Variants in KCNH7 observed in about 807,000 individuals in gnomAD.
KCNH7 encodes potassium voltage-gated channel subfamily H member 7, also known as voltage-gated inwardly rectifying potassium channel KCNH7.
KCNH7 carries 49 observed loss-of-function variants against 120.8 expected under a neutral mutation model. The observed-to-expected ratio is 0.41, with a 90% CI of 0.32 to 0.51. The LOEUF is 0.51. KCNH7 is among the 20% of genes least tolerant of loss of function. The pLI, the probability that KCNH7 is intolerant of heterozygous loss-of-function variation, is 0.38. For synonymous variants in KCNH7, 547 were observed against 516.1 expected, an observed-to-expected ratio of 1.06 and a Z score of -0.81; for missense variants, 1,097 against 1,446.6, an observed-to-expected ratio of 0.76 and a Z score of 3.92.
chr2:162,594,990 T>C (rs1291555933), intron 2 of KCNH7, among the ~76,000 whole-genome samples: 4 of 152,066 alleles, frequency 2.6e-5, no homozygotes, highest in Non-Finnish European at 5.9e-5. Context: ...TGGTTGAACA[T>C]ATGTAAATCA....
chr2:162,425,348 CAGG>C (rs1453998812), intron 8 of KCNH7, among the ~76,000 whole-genome samples: 2 of 152,052 alleles, frequency 1.3e-5, no homozygotes, highest in African/African-American at 4.8e-5. Flanking sequence ...CAGACTAATA[CAGG>C]AGATCTCTAG....
intron 6 of KCNH7, among the ~76,000 whole-genome samples, chr2:162,464,547 C>T (rs983101901): frequency 4.6e-5 from 7 of 151,984 alleles, no homozygotes; most frequent in Non-Finnish European, 7.4e-5. Flanking sequence ...AATAATATAA[C>T]TATATCCATG....
At chr2:162,836,071 C>T (rs1685653853) in intron 2 of KCNH7, among the ~76,000 whole-genome samples, 1 of 152,106 alleles carries the variant, frequency 6.6e-6, no homozygotes, top group African/African-American at 2.4e-5. Context: ...AGAGGTGTTG[C>T]CTATCAACTA....
rs80325812 is a variant in KCNH7, at chr2:162,693,761, G to A, written c.307+142776C>T. 4.7e-3 allele frequency among the ~76,000 whole-genome samples: 719 copies of A among 152,216 alleles called. 4 individuals are homozygous for A. The highest frequency in any genetic ancestry group is 8.6e-3 in the Non-Finnish European group (586 of 68,000). ...GTATGTATTTCTTAATGACTGAAAA[G>A]AATGAGGATAATTTCCAAATCTCTG... On this transcript the variant is annotated intron_variant, in intron 2 of 15. Transcript: ENST00000332142.
At chr2:162,506,031 A>C (rs2105757552) in intron 5 of KCNH7, among the ~76,000 whole-genome samples, 1 of 152,050 alleles carries the variant, frequency 6.6e-6, no homozygotes, top group South Asian at 2.1e-4. Flanking sequence ...TTATTATAAA[A>C]GTTTGAAGTA....
At chr2:162,618,867 C>T in intron 2 of KCNH7, among the ~76,000 whole-genome samples, 1 of 152,130 alleles carries the variant, frequency 6.6e-6, no homozygotes, top group East Asian at 1.9e-4. Context: ...AATAAATTAG[C>T]TAGATTAGGA....
chr2:162,410,891 C>G (rs1687372979), intron 9 of KCNH7, among the ~76,000 whole-genome samples: 1 of 151,868 alleles, frequency 6.6e-6, no homozygotes, highest in Non-Finnish European at 1.5e-5. Flanking sequence ...AATCACAACT[C>G]CAATGAGATA....
chr2:162,606,764 G>T (rs1574161185), intron 2 of KCNH7, among the ~76,000 whole-genome samples: 1 of 152,040 alleles, frequency 6.6e-6, no homozygotes, highest in Admixed American at 6.5e-5. Context: ...AATGTGACAA[G>T]ATCATTTTTA....
chr2:162,576,422 C>A (rs1194855050), intron 2 of KCNH7, among the ~76,000 whole-genome samples: 1 of 151,962 alleles, frequency 6.6e-6, no homozygotes, highest in African/African-American at 2.4e-5. Flanking sequence ...TCTACTATGC[C>A]AAGATTTAAA....
intron 6 of KCNH7, among the ~76,000 whole-genome samples, chr2:162,496,301 A>C (rs1041464326): frequency 6.6e-6 from 1 of 152,096 alleles, no homozygotes; most frequent in Non-Finnish European, 1.5e-5. Context: ...AGAACCTGTG[A>C]CCAGCCCCAC....
intron 2 of KCNH7, among the ~76,000 whole-genome samples, chr2:162,709,751 A>T (rs552482066): frequency 1.3e-5 from 2 of 152,170 alleles, no homozygotes; most frequent in South Asian, 4.1e-4. Flanking sequence ...GTTAGCCATC[A>T]TTGCCTCTGC....
intron 2 of KCNH7, among the ~76,000 whole-genome samples, chr2:162,623,564 G>T (rs768001014): frequency 6.6e-6 from 1 of 152,148 alleles, no homozygotes; most frequent in Non-Finnish European, 1.5e-5. Flanking sequence ...TTCCTCTTAA[G>T]GTGTTTTAGT....
intron 2 of KCNH7, among the ~76,000 whole-genome samples, chr2:162,710,438 C>T (rs779223020): frequency 3.9e-5 from 6 of 152,098 alleles, no homozygotes; most frequent in Non-Finnish European, 7.4e-5. Flanking sequence ...ACTGGCCCTG[C>T]GGAGAAGCTG....
At chr2:162,699,068 A>AT (rs1191840672) in intron 2 of KCNH7, among the ~76,000 whole-genome samples, 3 of 152,218 alleles carry the variant, frequency 2.0e-5, no homozygotes, top group East Asian at 1.9e-4. Context: ...CATGCTTATC[A>AT]TTTTTTGTGG....
intron 2 of KCNH7, among the ~76,000 whole-genome samples, chr2:162,617,443 C>A (rs547560244): frequency 6.6e-6 from 1 of 152,142 alleles, no homozygotes; most frequent in Admixed American, 6.5e-5. Flanking sequence ...TGCGCCACTG[C>A]ACTCCAGCCT....
intron 5 of KCNH7, among the ~76,000 whole-genome samples, chr2:162,506,216 C>T (rs892052841): frequency 2.0e-5 from 3 of 151,814 alleles, no homozygotes; most frequent in Admixed American, 6.6e-5. Context: ...ACCTAACTCT[C>T]TTTACTATTT....
intron 2 of KCNH7, among the ~76,000 whole-genome samples, chr2:162,652,528 A>G (rs1051233423): frequency 1.3e-5 from 2 of 152,134 alleles, no homozygotes; most frequent in African/African-American, 4.8e-5. Context: ...TCTCATGAGG[A>G]GCACACAACC....
At chr2:162,582,946 A>T (rs1693926466) in intron 2 of KCNH7, among the ~76,000 whole-genome samples, 1 of 152,106 alleles carries the variant, frequency 6.6e-6, no homozygotes, top group Non-Finnish European at 1.5e-5. Flanking sequence ...GCTTGCTCAT[A>T]AATCTTCCCA....
At chr2:162,579,822 T>C (rs1693813342) in intron 2 of KCNH7, among the ~76,000 whole-genome samples, 2 of 152,072 alleles carry the variant, frequency 1.3e-5, no homozygotes, top group Non-Finnish European at 2.9e-5. Context: ...ACTTTTTTTT[T>C]TCTCAGAAAG....
Sources: gnomAD v4.1 joint callset for allele counts (sites outside exome capture counted in the v4.1 genomes callset) on GRCh38, gnomAD v4.1.1 for gene constraint, MANE v1.5 for transcripts, NCBI Gene and HGNC (gene_info 2026-07-23, HGNC 2026-07-21) for gene names.